The following CYP2U1 variants were observed in gnomAD, a reference collection of about 807,000 sequenced individuals.
The protein encoded by CYP2U1 is cytochrome P450 2U1.
In CYP2U1, 28 loss-of-function variants were observed where a neutral mutation model predicts 42.8. The observed-to-expected ratio is 0.65, with a 90% confidence interval of 0.48 to 0.90. The LOEUF (loss-of-function observed/expected upper bound fraction) is 0.90, where lower values mean the gene tolerates loss of function less well. Among genes scored for constraint, CYP2U1 ranks in the 40% least tolerant of loss-of-function variants. The probability of loss-of-function intolerance (pLI) is 0.00; values close to 1 mark genes in which losing one functional copy is unlikely to be tolerated. For missense variants in CYP2U1, 642 were observed against 693.8 expected (o/e 0.93, Z 0.84); for synonymous variants, 296 against 278.9 (o/e 1.06, Z -0.61).
At chr4:107,936,876 C>T (rs974399170) in intron 1 of CYP2U1, among the ~76,000 whole-genome samples, 9 of 152,062 alleles carry the variant, frequency 5.9e-5, no homozygotes, top group African/African-American at 1.7e-4. Context: ...TTAAAATAAC[C>T]GTATTATGCA....
chr4:107,946,431 C>T (rs1056581560), intron 2 of CYP2U1, among the ~76,000 whole-genome samples: 4 of 152,018 alleles, frequency 2.6e-5, no homozygotes, highest in Non-Finnish European at 5.9e-5. Context: ...GATAATCTTC[C>T]AATCTCTGTG....
rs1176220013 is a variant in CYP2U1, at chr4:107,950,255, G to A, written c.1467G>A (p.Val489=). Residue 489 remains valine, a synonymous_variant, in exon 5 of 5, where the codon GTG becomes GTA. Coordinates refer to ENST00000332884, the MANE Select transcript of CYP2U1 (RefSeq NM_183075.3). ...TGATCTCATTTTTAGGGAAGCGGGT[G>A]TGTATGGGAGAACAACTGGCAAAGA... ...TFIPFGIGKR[V]CMGEQLAKME... The A allele has an allele frequency of 1.9e-6, 3 of 1,610,598 alleles. No individual in the cohort carries two copies. Among genetic ancestry groups the A allele is most frequent in the Non-Finnish European group, 2.5e-6 (3 of 1,178,624 alleles).
intron 2 of CYP2U1, 25 bp from the exon 3 acceptor site, chr4:107,947,351 G>C: frequency 6.2e-7 from 1 of 1,611,618 alleles, no homozygotes; most frequent in Non-Finnish European, 8.5e-7. Context: ...CTTATCTTCT[G>C]GTTTATTTTT....
In CYP2U1 at chr4:107,945,027, C is replaced by G; in HGVS notation, c.548C>G (p.Ser183Ter). ...AGACAACAAAGGAAGTTCTCTCATT[C>G]AACTCTTCGTCATTTTGGGTTGGGA... ...VWRQQRKFSHSTLRHFGLGKL... is the reference protein window; with the variant it reads ...VWRQQRKFSH Residue 183 changes from serine (S) to a stop codon, truncating the protein, a stop_gained, in exon 2 of 5, where the codon TCA becomes TGA. Transcript: ENST00000332884. LOFTEE classifies it high-confidence loss of function. 6.2e-7 allele frequency: 1 copy of G among 1,613,410 alleles called. No individual in the cohort carries two copies. Among genetic ancestry groups the G allele is most frequent in the African/African-American group, 1.3e-5 (1 of 74,802 alleles).
chr4:107,945,624 C>G lies in CYP2U1; in HGVS notation c.1126+19C>G, dbSNP rs374178266. On this transcript the variant is annotated intron_variant, in intron 2 of 4. Coordinates refer to ENST00000332884, the MANE Select transcript of CYP2U1 (RefSeq NM_183075.3). The stretch of plus-strand genomic sequence containing the variant: ...GTACAAGGTAATTAATAGGTGTTTC[C>G]TTTGTTCATGGCAAAACCAGGTAAT... 1.2e-5 allele frequency: 18 copies of G among 1,536,316 alleles called. No individual in the cohort carries two copies. In the African/African-American group the frequency reaches 2.5e-4, roughly 21 times the overall value.
Position 107,945,136 on chromosome 4 carries a change from C to T in CYP2U1, c.657C>T (p.Cys219=). ...EMQKHGEDPF[C]PFSIISNAVS... ...AAAAGCACGGAGAAGACCCCTTCTGCCCTTTCTCCATCATCAGCAATGCCG... is the reference window on the plus strand; with the variant it reads ...AAAAGCACGGAGAAGACCCCTTCTGTCCTTTCTCCATCATCAGCAATGCCG... Residue 219 remains cysteine, a synonymous_variant, in exon 2 of 5, where the codon TGC becomes TGT. Transcript: ENST00000332884. 6.2e-7 allele frequency: 1 copy of T among 1,613,952 alleles called. No individual in the cohort carries two copies. Among genetic ancestry groups the T allele is most frequent in the Non-Finnish European group, 8.5e-7 (1 of 1,179,990 alleles).
intron 1 of CYP2U1, among the ~76,000 whole-genome samples, chr4:107,933,866 G>T (rs1002337454): frequency 2.0e-5 from 3 of 152,138 alleles, no homozygotes; most frequent in Non-Finnish European, 4.4e-5. Context: ...GTACAGATGT[G>T]TTTTTTTGAT....
At chr4:107,949,220 C>T in intron 3 of CYP2U1, 130 bp from the exon 4 acceptor site, 1 of 856,406 alleles carries the variant, frequency 1.2e-6, no homozygotes, top group Non-Finnish European at 1.6e-6. Flanking sequence ...CCTCAAGTAC[C>T]TCACAGTTTG....
chr4:107,949,290 C>A, intron 3 of CYP2U1, 60 bp from the exon 4 acceptor site: 2 of 1,361,772 alleles, frequency 1.5e-6, no homozygotes, highest in Non-Finnish European at 1.9e-6. Context: ...TAATGATGTT[C>A]AGGGAGAACT....
intron 2 of CYP2U1, among the ~76,000 whole-genome samples, chr4:107,946,930 CCTCACTTCACCCTTACTCTCTTGGTCACA>C (rs1305140480): frequency 7.9e-5 from 12 of 152,050 alleles, no homozygotes; most frequent in African/African-American, 1.9e-4. Flanking sequence ...AGTGACATGC[CCTCACTTCACCCTTACTCTCTTGGTCACA>C]CAGACCAACT....
chr4:107,950,448 A>T lies in CYP2U1; in HGVS notation c.*25A>T. On this transcript the variant is annotated 3_prime_UTR_variant, in exon 5 of 5. Transcript: ENST00000332884. ...AAGAGCATCTCCAAGAAGAGATGGT[A>T]AAAAGATATATAAATACATATCCTT... is the stretch of plus-strand genomic sequence containing the variant. 1 of 1,585,278 alleles carries T rather than the reference A, an allele frequency of 6.3e-7. No individual in the cohort carries two copies. The highest frequency in any genetic ancestry group is 8.6e-7 in the Non-Finnish European group (1 of 1,169,400).
intron 3 of CYP2U1, among the ~76,000 whole-genome samples, chr4:107,949,086 G>A (rs980744133): frequency 2.0e-5 from 3 of 151,962 alleles, no homozygotes; most frequent in Non-Finnish European, 2.9e-5. Flanking sequence ...TCTCTTCATT[G>A]TAATGTTTTT....
At chr4:107,941,658 A>T (rs1733500206) in intron 1 of CYP2U1, among the ~76,000 whole-genome samples, 2 of 152,220 alleles carry the variant, frequency 1.3e-5, no homozygotes, top group South Asian at 4.1e-4. Context: ...ATACATGGAA[A>T]CAAGACTTGT....
intron 1 of CYP2U1, among the ~76,000 whole-genome samples, chr4:107,941,880 T>C (rs1254898297): frequency 6.6e-6 from 1 of 152,202 alleles, no homozygotes; most frequent in Non-Finnish European, 1.5e-5. Flanking sequence ...GAGGCCAGTA[T>C]ATTCAAGACA....
intron 1 of CYP2U1, 79 bp downstream of exon 1, chr4:107,932,212 G>T: frequency 6.7e-7 from 1 of 1,481,606 alleles, no homozygotes; most frequent in Non-Finnish European, 8.9e-7. Flanking sequence ...CAGTTCCTGT[G>T]CCCCTTCCGG....
chr4:107,932,055 G>A lies in CYP2U1; in HGVS notation c.412G>A (p.Glu138Lys), dbSNP rs748485159. 3.2e-6 allele frequency: 5 copies of A among 1,584,044 alleles called. No individual in the cohort carries two copies. In the African/African-American group the frequency reaches 4.0e-5, roughly 13 times the overall value. The change falls in exon 1 of 5, where the codon GAG becomes AAG. Residue 138 changes from glutamate (E) to lysine (K), a missense_variant. Glu to Lys is a moderately conservative substitution (Grantham distance 56, BLOSUM62 1). Coordinates refer to ENST00000332884, the MANE Select transcript of CYP2U1 (RefSeq NM_183075.3). Reference sequence around the variant, plus strand: ...CCTCAGCGACTTCCACAGCGTGCGCGAGGCGCTGGTGCAGCAGGCCGAGGT... The same window carrying A: ...CCTCAGCGACTTCCACAGCGTGCGCAAGGCGCTGGTGCAGCAGGCCGAGGT... ...VVLSDFHSVREALVQQAEVFS... is the reference protein window; with the variant it reads ...VVLSDFHSVRKALVQQAEVFS...
chr4:107,931,686 C>G lies in CYP2U1; in HGVS notation c.43C>G (p.Pro15Ala). Residue 15 changes from proline to alanine, a missense_variant, in exon 1 of 5, where the codon CCC becomes GCC. By Grantham distance (27) the Pro-to-Ala change is conservative (BLOSUM62 -1). Transcript: ENST00000332884. Reference sequence around the variant, plus strand: ...GTCGCAGCCGCCGGCCGAGGACCCGCCCTGGCCCGCGCGCCTCCTGCGTGC... The same window carrying G: ...GTCGCAGCCGCCGGCCGAGGACCCGGCCTGGCCCGCGCGCCTCCTGCGTGC... ...GPSQPPAEDP[P>A]WPARLLRAPL... 1.5e-6 allele frequency: 2 copies of G among 1,335,188 alleles called. No homozygotes were observed. Among genetic ancestry groups the G allele is most frequent in the Non-Finnish European group, 1.9e-6 (2 of 1,052,222 alleles). 82.7% of individuals were successfully genotyped at this position (1,335,188 alleles called of 1,614,324 possible). A position where few individuals can be genotyped will look rare whatever the true frequency, so the allele number is the denominator to read the frequency against.
intron 1 of CYP2U1, among the ~76,000 whole-genome samples, chr4:107,933,272 C>T (rs186043267): frequency 4.3e-4 from 66 of 152,262 alleles, no homozygotes; most frequent in Non-Finnish European, 8.1e-4. Flanking sequence ...GGTTGCACAA[C>T]AGTGTGACAG....
rs183346039 is a variant in CYP2U1, at chr4:107,934,309, C to T, written c.490+2176C>T. Among the ~76,000 whole-genome samples the T allele has an allele frequency of 6.6e-5, 10 of 152,082 alleles. No individual in the cohort carries two copies. In the East Asian group the frequency reaches 1.9e-3, roughly 29 times the overall value. On this transcript the variant is annotated intron_variant, in intron 1 of 4. Coordinates refer to ENST00000332884, the MANE Select transcript of CYP2U1 (RefSeq NM_183075.3). The stretch of plus-strand genomic sequence containing the variant: ...TGATACCATTGTTTCATTTTAAGAC[C>T]TTCCCAGTCCCTTCTAATCAATCCA...
Sources: allele counts gnomAD v4.1 joint callset (sites outside exome capture counted in the v4.1 genomes callset), GRCh38; gene constraint gnomAD v4.1.1; transcripts MANE v1.5; gene names NCBI Gene and HGNC (gene_info 2026-07-23, HGNC 2026-07-21).